The following CMC1 variants were observed in gnomAD, a reference collection of about 807,000 sequenced individuals.
CMC1 encodes the protein C-X9-C motif containing 1.
Under a neutral mutation model 14.1 loss-of-function variants are expected in CMC1, and 14 were observed. The ratio of observed to expected loss-of-function variants is 0.99; its 90% CI spans 0.66 to 1.55. The LOEUF is 1.55. Ranked by LOEUF, CMC1 falls within the 40% of genes most tolerant of loss-of-function variation. CMC1 has a pLI of 0.00. For missense variants in CMC1, 127 were observed against 123.8 expected (o/e 1.03, Z -0.12); for synonymous variants, 50 against 38.4 (o/e 1.30, Z -1.12).
intron 1 of CMC1, among the ~76,000 whole-genome samples, chr3:28,253,027 A>G (rs1055657388): frequency 6.6e-6 from 1 of 152,066 alleles, no homozygotes; most frequent in Non-Finnish European, 1.5e-5. Context: ...GAATTTTCCT[A>G]TTTTAAGATG....
intron 2 of CMC1, among the ~76,000 whole-genome samples, chr3:28,267,870 T>C (rs919864529): frequency 1.1e-4 from 17 of 152,186 alleles, no homozygotes; most frequent in Non-Finnish European, 2.5e-4. Flanking sequence ...ATGGTCAAAG[T>C]AATCACTCTT....
At chr3:28,298,359 C>T (rs1483243507) in intron 2 of CMC1, 1 of 151,196 alleles carries the variant, frequency 6.6e-6, no homozygotes, top group East Asian at 1.9e-4. Flanking sequence ...AGGTAAGTAA[C>T]ACTGATGAAT....
intron 2 of CMC1, among the ~76,000 whole-genome samples, chr3:28,313,729 A>G (rs751935101): frequency 5.3e-5 from 8 of 152,224 alleles, no homozygotes; most frequent in Non-Finnish European, 1.2e-4. Context: ...GAACACATAA[A>G]TGCTAGTTTG....
At position 28,321,604 on chromosome 3, in the gene CMC1, G is replaced by C. The variant is rs1476673191; in HGVS notation, c.*1975G>C. 6.6e-6 allele frequency: 1 copy of C among 151,244 alleles called. No homozygotes were observed. The highest frequency in any genetic ancestry group is 1.5e-5 in the Non-Finnish European group (1 of 67,516). 9.4% of individuals were successfully genotyped at this position (151,244 alleles called of 1,614,324 possible). ...TGATATTATTCCCTGTTAATATGTG[G>C]TAACCCACAGGTTTTTTACCCCTTA... is the stretch of plus-strand genomic sequence containing the variant. On this transcript the variant is annotated 3_prime_UTR_variant, in exon 4 of 4. Transcript: ENST00000466830.
rs183878608 is a variant in CMC1, at chr3:28,317,197, A to C, written c.200+774A>C. 5 of 151,086 alleles carry C rather than the reference A, an allele frequency of 3.3e-5. No homozygotes were observed. The East Asian group carries it at 9.7e-4, about 29-fold the overall frequency. 9.4% of individuals were successfully genotyped at this position (151,086 alleles called of 1,614,324 possible). On this transcript the variant is annotated intron_variant, in intron 3 of 3. Coordinates refer to ENST00000466830, the MANE Select transcript of CMC1 (RefSeq NM_182523.2). ...AATGTAATGAACACCCGAACCCTAC[A>C]TTTTTTTTTAAATAAAATATGTACA...
In CMC1 at chr3:28,324,224, A is replaced by G; in HGVS notation, c.*4595A>G. ...CTGCCATAAGAACTGTGTTCCTGAA[A>G]GCATGTACCATCATTAGGAATGGAT... is the stretch of plus-strand genomic sequence containing the variant. On this transcript the variant is annotated 3_prime_UTR_variant, in exon 4 of 4. Transcript: ENST00000466830. 6.2e-7 allele frequency: 1 copy of G among 1,610,572 alleles called. No homozygotes were observed. Among genetic ancestry groups the G allele is most frequent in the Non-Finnish European group, 8.5e-7 (1 of 1,177,638 alleles).
chr3:28,251,806 A>C (rs1244664971), intron 1 of CMC1, among the ~76,000 whole-genome samples: 2 of 150,700 alleles, frequency 1.3e-5, no homozygotes, highest in East Asian at 3.9e-4. Flanking sequence ...AATATTACAC[A>C]ATCTTCTAGA....
chr3:28,256,941 A>G (rs1699443366), intron 1 of CMC1, among the ~76,000 whole-genome samples: 1 of 152,230 alleles, frequency 6.6e-6, no homozygotes, highest in African/African-American at 2.4e-5. Flanking sequence ...AGGACAACAT[A>G]AAAAATCAAT....
chr3:28,295,375 TAAAA>T (rs200840968), intron 2 of CMC1, among the ~76,000 whole-genome samples: 33,073 of 152,174 alleles, frequency 0.22, 4,287 homozygotes, highest in Middle Eastern at 0.3. Flanking sequence ...TGAAAATATT[TAAAA>T]AATATGTCTT....
intron 1 of CMC1, among the ~76,000 whole-genome samples, chr3:28,252,157 G>T (rs1699163508): frequency 6.6e-6 from 1 of 152,152 alleles, no homozygotes; most frequent in Non-Finnish European, 1.5e-5. Context: ...AAGCAGTGTG[G>T]GTGGAAGAGG....
intron 1 of CMC1, among the ~76,000 whole-genome samples, chr3:28,249,659 G>A (rs1699021192): frequency 6.6e-6 from 1 of 152,264 alleles, no homozygotes; most frequent in South Asian, 2.1e-4. Context: ...ATTTTGTACA[G>A]CCCTCTCAGG....
intron 2 of CMC1, among the ~76,000 whole-genome samples, chr3:28,298,834 G>GA (rs1559434758): frequency 6.6e-6 from 1 of 151,544 alleles, no homozygotes; most frequent in Non-Finnish European, 1.5e-5. Flanking sequence ...AGTATGTTCT[G>GA]TTTTTTTTCT....
chr3:28,267,650 T>C (rs1228965107), intron 2 of CMC1, among the ~76,000 whole-genome samples: 1 of 152,220 alleles, frequency 6.6e-6, no homozygotes, highest in African/African-American at 2.4e-5. Flanking sequence ...ATCACAGAGC[T>C]GTAGGTAAAT....
At chr3:28,319,158 C>T in intron 3 of CMC1, 1 of 439,840 alleles carries the variant, frequency 2.3e-6, no homozygotes, top group Non-Finnish European at 4.6e-6. Context: ...GAAACCTCTG[C>T]CCTCCCCATT....
chr3:28,297,702 A>G (rs1256705812), intron 2 of CMC1, among the ~76,000 whole-genome samples: 2 of 152,002 alleles, frequency 1.3e-5, no homozygotes, highest in South Asian at 4.1e-4. Context: ...CAATTGTGAG[A>G]TTTTACATAA....
Position 28,319,908 on chromosome 3 carries a change from G to A in CMC1, c.*279G>A, listed in dbSNP as rs1386177089. The A allele has an allele frequency of 1.4e-5, 3 of 210,746 alleles. No individual in the cohort carries two copies. Among genetic ancestry groups the A allele is most frequent in the Non-Finnish European group, 2.8e-5 (3 of 106,610 alleles). The allele number at this position is 210,746 out of a possible 1,614,324, so 13.1% of individuals were successfully genotyped here. On this transcript the variant is annotated 3_prime_UTR_variant, in exon 4 of 4. Transcript: ENST00000466830. ...ATACTGATTTTTTAGAGTTCAATAT[G>A]GTCCTTATATTATTTTTTTCCAGTG...
chr3:28,295,983 A>G (rs1041941587), intron 2 of CMC1, among the ~76,000 whole-genome samples: 1 of 152,126 alleles, frequency 6.6e-6, no homozygotes, highest in African/African-American at 2.4e-5. Flanking sequence ...CCTATTATAT[A>G]GAATAAGAAT....
intron 2 of CMC1, among the ~76,000 whole-genome samples, chr3:28,288,929 T>C (rs929913806): frequency 1.3e-5 from 2 of 151,744 alleles, no homozygotes; most frequent in Non-Finnish European, 3.0e-5. Context: ...TAGCATTTTA[T>C]ACAAATACAT....
At chr3:28,275,760 C>G (rs1268315681) in intron 2 of CMC1, among the ~76,000 whole-genome samples, 1 of 152,132 alleles carries the variant, frequency 6.6e-6, no homozygotes, top group Non-Finnish European at 1.5e-5. Context: ...GCCCTTGCCC[C>G]CAGGGTCTCC....
Sources: allele counts gnomAD v4.1 joint callset (sites outside exome capture counted in the v4.1 genomes callset), GRCh38; gene constraint gnomAD v4.1.1; transcripts MANE v1.5; gene names NCBI Gene and HGNC (gene_info 2026-07-23, HGNC 2026-07-21).